The following GSG1L variants were observed in gnomAD, a reference collection of about 807,000 sequenced individuals.
GSG1L encodes GSG1 like.
Under a neutral mutation model 42.1 loss-of-function variants are expected in GSG1L, and 24 were observed. The ratio of observed to expected loss-of-function variants is 0.57; its 90% CI spans 0.41 to 0.80. The LOEUF (loss-of-function observed/expected upper bound fraction) is 0.80, where lower values mean the gene tolerates loss of function less well. Ranked by LOEUF, GSG1L falls within the 30% of genes least tolerant of loss-of-function variation. The pLI, the probability that GSG1L is intolerant of heterozygous loss-of-function variation, is 0.00. For synonymous variants in GSG1L, 215 were observed against 203.5 expected, an observed-to-expected ratio of 1.06 and a Z score of -0.48; for missense variants, 445 against 472.2, an observed-to-expected ratio of 0.94 and a Z score of 0.53.
chr16:28,035,928 A>C (rs2086030087), intron 1 of GSG1L, among the ~76,000 whole-genome samples: 1 of 152,206 alleles, frequency 6.6e-6, no homozygotes, highest in African/African-American at 2.4e-5. Flanking sequence ...ATTCATTTGG[A>C]TCAGCAAACT....
At chr16:27,905,621 A>C (rs2141046536) in intron 2 of GSG1L, among the ~76,000 whole-genome samples, 1 of 152,350 alleles carries the variant, frequency 6.6e-6, no homozygotes, top group South Asian at 2.1e-4. Flanking sequence ...AGACATGGAC[A>C]GAATAATGAA....
At chr16:27,875,573 T>C (rs972851346) in intron 3 of GSG1L, among the ~76,000 whole-genome samples, 1 of 152,180 alleles carries the variant, frequency 6.6e-6, no homozygotes, top group African/African-American at 2.4e-5. Context: ...GACAACACAT[T>C]TGGGCTTGTA....
At chr16:27,958,006 C>T (rs1000859512) in intron 2 of GSG1L, among the ~76,000 whole-genome samples, 19 of 152,126 alleles carry the variant, frequency 1.2e-4, no homozygotes, top group African/African-American at 4.6e-4. Context: ...AAGTCATTCA[C>T]GAGGGATCCA....
chr16:27,882,188 C>T (rs191599939), intron 3 of GSG1L, among the ~76,000 whole-genome samples: 2 of 152,232 alleles, frequency 1.3e-5, no homozygotes, highest in East Asian at 3.9e-4. Flanking sequence ...AGAGCAGTTC[C>T]CCTGCACATG....
chr16:27,902,483 G>T (rs1477130538), intron 2 of GSG1L, among the ~76,000 whole-genome samples: 2 of 152,160 alleles, frequency 1.3e-5, no homozygotes, highest in South Asian at 2.1e-4. Flanking sequence ...GAAGGAGGGG[G>T]TGGTGAGGCT....
At chr16:28,041,116 A>C (rs1480410598) in intron 1 of GSG1L, among the ~76,000 whole-genome samples, 2 of 152,180 alleles carry the variant, frequency 1.3e-5, no homozygotes, top group African/African-American at 2.4e-5. Flanking sequence ...ACAAAGACCC[A>C]GTGTATCCTC....
intron 3 of GSG1L, among the ~76,000 whole-genome samples, chr16:27,881,541 A>G (rs1210809674): frequency 1.3e-5 from 2 of 152,082 alleles, no homozygotes; most frequent in African/African-American, 4.8e-5. Context: ...CACCCGGCCA[A>G]GTATCATACT....
intron 2 of GSG1L, among the ~76,000 whole-genome samples, chr16:27,955,961 G>A (rs2085000248): frequency 6.6e-6 from 1 of 151,198 alleles, no homozygotes; most frequent in Admixed American, 6.6e-5. Flanking sequence ...AGGAAGGACA[G>A]GAGGGAGGGA....
chr16:27,807,985 T>G (rs971604080), intron 5 of GSG1L, among the ~76,000 whole-genome samples: 3 of 152,266 alleles, frequency 2.0e-5, no homozygotes, highest in African/African-American at 7.2e-5. Flanking sequence ...TGATTATCCC[T>G]ACATAATGAA....
intron 6 of GSG1L, among the ~76,000 whole-genome samples, chr16:27,798,696 C>T (rs903935980): frequency 3.3e-5 from 5 of 152,278 alleles, no homozygotes; most frequent in African/African-American, 1.2e-4. Flanking sequence ...GATTCCTTGC[C>T]TGTCCCACAC....
At chr16:27,908,764 C>T (rs1214130894) in intron 2 of GSG1L, among the ~76,000 whole-genome samples, 3 of 152,198 alleles carry the variant, frequency 2.0e-5, no homozygotes, top group Non-Finnish European at 4.4e-5. Context: ...AACACCGTTG[C>T]ATTGGGATTA....
At chr16:27,829,214 C>T (rs1414317958) in intron 4 of GSG1L, among the ~76,000 whole-genome samples, 1 of 152,124 alleles carries the variant, frequency 6.6e-6, no homozygotes, top group African/African-American at 2.4e-5. Context: ...TCATTCTGTC[C>T]AAGGGGGCTG....
intron 1 of GSG1L, among the ~76,000 whole-genome samples, chr16:27,992,516 T>C (rs1187101666): frequency 6.6e-6 from 1 of 151,532 alleles, no homozygotes; most frequent in South Asian, 2.1e-4. Flanking sequence ...AAAGGAATAT[T>C]TTCTGGAGGG....
At chr16:27,897,935 G>A (rs545944844) in intron 2 of GSG1L, among the ~76,000 whole-genome samples, 1 of 152,232 alleles carries the variant, frequency 6.6e-6, no homozygotes, top group African/African-American at 2.4e-5. Context: ...CTCTGTAAAC[G>A]GCAGCCTATG....
intron 6 of GSG1L, among the ~76,000 whole-genome samples, chr16:27,804,231 G>A (rs1349920952): frequency 1.3e-5 from 2 of 151,828 alleles, no homozygotes; most frequent in Admixed American, 6.6e-5. Flanking sequence ...TGCCACCGTC[G>A]GCCCCTCCAG....
chr16:27,979,567 A>C (rs77066595), intron 1 of GSG1L, among the ~76,000 whole-genome samples: 531 of 39,008 alleles, frequency 0.014, 18 homozygotes, highest in Middle Eastern at 0.028. Flanking sequence ...AGAATCCATC[A>C]AAAAAAAAAA....
At chr16:27,940,017 A>G (rs2084769120) in intron 2 of GSG1L, among the ~76,000 whole-genome samples, 1 of 152,200 alleles carries the variant, frequency 6.6e-6, no homozygotes, top group African/African-American at 2.4e-5. Context: ...GAAAAAAACA[A>G]ACAACCCCAT....
chr16:27,948,946 C>G (rs1456618317), intron 2 of GSG1L, among the ~76,000 whole-genome samples: 1 of 78,124 alleles, frequency 1.3e-5, no homozygotes, highest in East Asian at 2.7e-4. Flanking sequence ...GAGAAAAGAT[C>G]TCATTCTGTT....
intron 1 of GSG1L, among the ~76,000 whole-genome samples, chr16:28,020,782 G>T (rs988927928): frequency 2.0e-5 from 3 of 152,162 alleles, no homozygotes; most frequent in Non-Finnish European, 4.4e-5. Context: ...TTGTGAGGAC[G>T]CTCAAGCAGC....
Sources: gnomAD v4.1 joint callset for allele counts (sites outside exome capture counted in the v4.1 genomes callset) on GRCh38, gnomAD v4.1.1 for gene constraint, MANE v1.5 for transcripts, NCBI Gene and HGNC (gene_info 2026-07-23, HGNC 2026-07-21) for gene names.